Variants in IL13RA1 observed in about 807,000 individuals in gnomAD.
IL13RA1 encodes the protein interleukin-13 receptor subunit alpha-1.
In IL13RA1, 14 loss-of-function variants were observed where a neutral mutation model predicts 33.8. The ratio of observed to expected loss-of-function variants is 0.41; its 90% CI spans 0.27 to 0.65. The LOEUF (loss-of-function observed/expected upper bound fraction) is 0.65. Ranked by LOEUF, IL13RA1 falls within the 30% of genes least tolerant of loss-of-function variation. IL13RA1 has a pLI of 0.28. For missense variants in IL13RA1, 313 were observed against 327.0 expected, an observed-to-expected ratio of 0.96 and a Z score of 0.33; for synonymous variants, 116 against 115.7, an observed-to-expected ratio of 1.00 and a Z score of -0.02.
rs2017781332 is a variant in IL13RA1, at chrX:118,776,445, C to T, written c.1125C>T (p.Phe375=). The T allele has an allele frequency of 4.1e-6, 4 of 974,519 alleles. No individual in the cohort carries two copies. The highest frequency in any genetic ancestry group is 5.9e-6 in the Non-Finnish European group (4 of 681,385). 80.3% of individuals were successfully genotyped at this position (974,519 alleles called of 1,213,427 possible). A position where few individuals can be genotyped will look rare whatever the true frequency, so the allele number is the denominator to read the frequency against. ...LYLKRLKIII[F]PPIPDPGKIF... ...CTTAAAGGCTCAAGATTATTATATT[C>T]CCTCCAATTCCTGATCCTGGCAAGA... Residue 375 remains phenylalanine (F), a synonymous_variant, in exon 10 of 11, where the codon TTC becomes TTT. Coordinates refer to ENST00000371666, the MANE Select transcript of IL13RA1 (RefSeq NM_001560.3).
intron 5 of IL13RA1, among the ~76,000 whole-genome samples, chrX:118,760,238 TTC>T (rs773898716): frequency 1.8e-5 from 2 of 112,090 alleles, no homozygotes; most frequent in East Asian, 5.6e-4. Flanking sequence ...CCTTTCTACT[TTC>T]TGTTTCTATG....
At chrX:118,730,499 A>G (rs1451559462) in intron 1 of IL13RA1, among the ~76,000 whole-genome samples, 3 of 111,649 alleles carry the variant, frequency 2.7e-5, no homozygotes, top group Non-Finnish European at 3.8e-5. Context: ...GGTGGGGGCA[A>G]TAGCAGGAGC....
chrX:118,730,690 C>G (rs763662513), intron 1 of IL13RA1, among the ~76,000 whole-genome samples: 2 of 111,806 alleles, frequency 1.8e-5, no homozygotes, highest in East Asian at 5.6e-4. Flanking sequence ...GGAGACTTCA[C>G]TGGGTAGGGG....
At position 118,794,413 on chromosome X, in the gene IL13RA1, G is replaced by C. The variant is rs1426196125; in HGVS notation, c.*2559G>C. On this transcript the variant is annotated 3_prime_UTR_variant, in exon 11 of 11. Transcript: ENST00000371666. ...TCAGTTAAGTTTTTCCCTTCATCTGGGCACTGAAGGGATATGTGAAACAAT... is the reference window on the plus strand; with the variant it reads ...TCAGTTAAGTTTTTCCCTTCATCTGCGCACTGAAGGGATATGTGAAACAAT... 1 of 112,345 alleles carries C rather than the reference G, an allele frequency of 8.9e-6. No homozygotes were observed. The highest frequency in any genetic ancestry group is 1.9e-5 in the Non-Finnish European group (1 of 53,226). The allele number at this position is 112,345 out of a possible 1,213,427, so 9.3% of individuals were successfully genotyped here. A position where few individuals can be genotyped will look rare whatever the true frequency, so the allele number is the denominator to read the frequency against.
At chrX:118,795,227 A>AAAAAAAG (rs200347606), downstream of IL13RA1, among the ~76,000 whole-genome samples, 123 of 94,990 alleles carry the variant, frequency 1.3e-3, 7 homozygotes, top group African/African-American at 5.3e-3. Flanking sequence ...AAAAAAAAAA[A>AAAAAAAG]AAAGAAAAAG....
chrX:118,783,306 A>G (rs1331918577), intron 10 of IL13RA1, among the ~76,000 whole-genome samples: 1 of 111,097 alleles, frequency 9.0e-6, no homozygotes, highest in Non-Finnish European at 1.9e-5. Flanking sequence ...TTTGGCCATT[A>G]CTCTGTTGTT....
chrX:118,771,614 GT>G (rs1206146226), intron 8 of IL13RA1, among the ~76,000 whole-genome samples: 14 of 112,297 alleles, frequency 1.2e-4, no homozygotes, highest in African/African-American at 4.5e-4. Flanking sequence ...AATGTTGCAG[GT>G]TTGGTCTGGC....
intron 4 of IL13RA1, among the ~76,000 whole-genome samples, chrX:118,757,430 A>G (rs1160069714): frequency 9.7e-6 from 1 of 103,435 alleles, no homozygotes; most frequent in Non-Finnish European, 2.0e-5. Flanking sequence ...CTCAGGAGGC[A>G]TGAGATTCAC....
intron 1 of IL13RA1, 127 bp from the exon 2 acceptor site, chrX:118,740,890 G>A (rs2017336178): frequency 1.8e-6 from 1 of 549,769 alleles, no homozygotes; most frequent in African/African-American, 2.3e-5. Context: ...ATAGTCCCTG[G>A]CCCAGTAAAT....
At chrX:118,737,076 G>T (rs893263828) in intron 1 of IL13RA1, among the ~76,000 whole-genome samples, 1 of 112,707 alleles carries the variant, frequency 8.9e-6, no homozygotes, top group South Asian at 3.6e-4. Context: ...GTGGGGATAG[G>T]TGCAACCACA....
chrX:118,755,162 C>T (rs1368084658), intron 4 of IL13RA1, among the ~76,000 whole-genome samples: 1 of 109,458 alleles, frequency 9.1e-6, no homozygotes, highest in Non-Finnish European at 1.9e-5. Flanking sequence ...TTGGCCAGGC[C>T]GGTCTGGAAC....
downstream of IL13RA1, chrX:118,794,568 ATGG>A (rs922280461): frequency 3.6e-5 from 4 of 112,045 alleles, no homozygotes; most frequent in South Asian, 3.7e-4. Flanking sequence ...TTTTGGGGAA[ATGG>A]TGGGAGGTAG....
chrX:118,778,625 T>G (rs1012992192), intron 10 of IL13RA1, among the ~76,000 whole-genome samples: 5 of 111,514 alleles, frequency 4.5e-5, no homozygotes, highest in Non-Finnish European at 9.4e-5. Context: ...TAAGAGAGTC[T>G]GTGGACCACA....
At chrX:118,791,125 T>C in intron 10 of IL13RA1, among the ~76,000 whole-genome samples, 1 of 111,375 alleles carries the variant, frequency 9.0e-6, no homozygotes, top group Middle Eastern at 4.6e-3. Context: ...CCCTTTCCTC[T>C]GATTTACAAG....
At chrX:118,800,988 C>T in the IL13RA1 span, among the ~76,000 whole-genome samples, 1 of 111,380 alleles carries the variant, frequency 9.0e-6, no homozygotes, top group Non-Finnish European at 1.9e-5. Context: ...GGGGGTCTCC[C>T]TGTGTTGCCC....
chrX:118,742,032 G>C (rs144134380), intron 2 of IL13RA1, among the ~76,000 whole-genome samples: 3 of 111,050 alleles, frequency 2.7e-5, no homozygotes, highest in Non-Finnish European at 5.7e-5. Flanking sequence ...CTCTCTGAGC[G>C]TTTGTTTCCT....
At position 118,735,989 on chromosome X, in the gene IL13RA1, CAAT is replaced by C. The variant is rs770985811; in HGVS notation, c.89-5024_89-5022del. Among the ~76,000 whole-genome samples the C allele has an allele frequency of 1.7e-3, 191 of 111,538 alleles. 1 individual carries two copies. Among genetic ancestry groups the C allele is most frequent in the African/African-American group, 5.5e-3 (170 of 30,784 alleles). On this transcript the variant is annotated intron_variant, in intron 1 of 10. Transcript: ENST00000371666. Reference sequence around the variant, plus strand: ...TTTTTTTCTTTCTGTTCCTCGGACTCAATAATTTTTATTGCCCTAATTTCAAGT... The same window carrying C: ...TTTTTTTCTTTCTGTTCCTCGGACTCAATTTTTATTGCCCTAATTTCAAGT...
At chrX:118,791,736 G>A (rs1310865293) in intron 10 of IL13RA1, 26 bp from the exon 11 acceptor site, 2 of 630,435 alleles carry the variant, frequency 3.2e-6, no homozygotes, top group Non-Finnish European at 5.2e-6. Context: ...ATGTCATTGT[G>A]TATGTGTTTT....
At chrX:118,779,312 A>T (rs1209920527) in intron 10 of IL13RA1, among the ~76,000 whole-genome samples, 3 of 111,673 alleles carry the variant, frequency 2.7e-5, no homozygotes, top group Non-Finnish European at 5.6e-5. Context: ...AGAGTGGTCA[A>T]TGCGGCATTT....
Sources: allele counts gnomAD v4.1 joint callset (sites outside exome capture counted in the v4.1 genomes callset), GRCh38; gene constraint gnomAD v4.1.1; transcripts MANE v1.5; gene names NCBI Gene and HGNC (gene_info 2026-07-23, HGNC 2026-07-21).